The following IL2RA variants were observed in gnomAD, a reference collection of about 807,000 sequenced individuals.
The protein encoded by IL2RA is interleukin 2 receptor subunit alpha.
Under a neutral mutation model 37.8 loss-of-function variants are expected in IL2RA, and 24 were observed. The observed-to-expected ratio is 0.63, with a 90% CI of 0.46 to 0.89. The LOEUF is 0.89. Ranked by LOEUF, IL2RA falls within the 40% of genes least tolerant of loss-of-function variation. The probability of loss-of-function intolerance (pLI) is 0.00; values close to 1 mark genes in which losing one functional copy is unlikely to be tolerated. For missense variants in IL2RA, 319 were observed against 348.6 expected (o/e 0.92, Z 0.68); for synonymous variants, 125 against 114.6 (o/e 1.09, Z -0.58).
At chr10:6,045,144 A>G (rs1839830956) in intron 1 of IL2RA, among the ~76,000 whole-genome samples, 1 of 152,226 alleles carries the variant, frequency 6.6e-6, no homozygotes, top group African/African-American at 2.4e-5. Context: ...ACATCTCTGC[A>G]GTAATTAGCA....
rs12722670 is a variant in IL2RA at position 6,033,292 on chromosome 10, A to G, written c.65-7267T>C. ...GGCAACAGAGTGAGACTCTGTCTCA[A>G]AAACAAACAAAGAAACAAACAAACA... On this transcript the variant is annotated intron_variant, in intron 1 of 7. Transcript: ENST00000379959. The surrounding 1 kb of genome is among the most constrained non-coding windows in gnomAD (Gnocchi z 4.3). Among the ~76,000 whole-genome samples the G allele has an allele frequency of 0.017, 2,620 of 152,026 alleles. 68 individuals carry two copies. The highest frequency in any genetic ancestry group is 0.06 in the African/African-American group (2,490 of 41,414).
chr10:6,026,419 A>T (rs991876705), intron 1 of IL2RA, among the ~76,000 whole-genome samples: 1 of 152,254 alleles, frequency 6.6e-6, no homozygotes, highest in Non-Finnish European at 1.5e-5. Flanking sequence ...ACTTTTAAGG[A>T]TATACGAGTT....
chr10:6,027,385 G>A (rs1050527765), intron 1 of IL2RA, among the ~76,000 whole-genome samples: 1 of 151,630 alleles, frequency 6.6e-6, no homozygotes, highest in Non-Finnish European at 1.5e-5. Flanking sequence ...AACCAACAAG[G>A]GACTAAGCAA....
Position 6,014,060 on chromosome 10 carries a change from C to T in IL2RA, c.795-1164G>A, listed in dbSNP as rs1400298954. Among the ~76,000 whole-genome samples, 5 of 152,038 alleles carry T rather than the reference C, an allele frequency of 3.3e-5. No homozygotes were observed. Among genetic ancestry groups the T allele is most frequent in the Non-Finnish European group, 7.4e-5 (5 of 68,008 alleles). On this transcript the variant is annotated intron_variant, in intron 7 of 7. Transcript: ENST00000379959. The surrounding 1 kb of genome is among the most constrained non-coding windows in gnomAD (Gnocchi z 4.4). ...GTTGCCCAGGCTGGTCTCAAGCGAG[C>T]CTCTCACCTTAGTCTCCCGAAGTGC... is the stretch of plus-strand genomic sequence containing the variant.
chr10:6,033,323 A>G lies in IL2RA; in HGVS notation c.65-7298T>C, dbSNP rs1050128863. Among the ~76,000 whole-genome samples the G allele has an allele frequency of 6.9e-5, 6 of 86,818 alleles. No homozygotes were observed. The highest frequency in any genetic ancestry group is 3.1e-4 in the African/African-American group (6 of 19,070). The allele number at this position is 86,818 out of a possible 152,430, so 57.0% of individuals were successfully genotyped here. On this transcript the variant is annotated intron_variant, in intron 1 of 7. Transcript: ENST00000379959. This position sits in a 1 kb window ranked among gnomAD's most constrained non-coding sequence, Gnocchi z 4.3. ...AACAAAGAAACAAACAAACAACAACAAAAAAAAAACAAAAAAAGAAAGTAT... is the reference window on the plus strand; with the variant it reads ...AACAAAGAAACAAACAAACAACAACGAAAAAAAAACAAAAAAAGAAAGTAT...
chr10:6,024,402 T>C (rs1324480531), intron 2 of IL2RA, 48 bp from the exon 3 acceptor site: 16 of 1,311,292 alleles, frequency 1.2e-5, no homozygotes, highest in Non-Finnish European at 1.7e-5. Flanking sequence ...AAATGCTTCA[T>C]AGAAAACACT....
rs2025347 is a variant in IL2RA, at chr10:6,028,868, G to A, written c.65-2843C>T. On this transcript the variant is annotated intron_variant, in intron 1 of 7. Coordinates refer to ENST00000379959, the MANE Select transcript of IL2RA (RefSeq NM_000417.3). The surrounding 1 kb of genome is among the most constrained non-coding windows in gnomAD (Gnocchi z 4.1). Reference sequence around the variant, plus strand: ...CAAAAGATCAGCCGAGTGTGGCAGCGCATGTCTGTAGTCCCAGGTACTTGG... The same window carrying A: ...CAAAAGATCAGCCGAGTGTGGCAGCACATGTCTGTAGTCCCAGGTACTTGG... 0.35 allele frequency among the ~76,000 whole-genome samples: 53,222 copies of A among 151,564 alleles called. 10,121 individuals are homozygous for A. The highest frequency in any genetic ancestry group is 0.58 in the East Asian group (2,975 of 5,124).
intron 1 of IL2RA, among the ~76,000 whole-genome samples, chr10:6,031,498 A>ATG (rs1839588774): frequency 2.4e-4 from 18 of 73,554 alleles, no homozygotes; most frequent in African/African-American, 8.4e-4. Flanking sequence ...ATATATGTAT[A>ATG]TATATATATA....
rs553316942 is a variant in IL2RA, at chr10:6,020,007, G to T, written c.584-66C>A. 1.4e-5 allele frequency: 19 copies of T among 1,396,058 alleles called. No homozygotes were observed. In the South Asian group the frequency reaches 2.0e-4, roughly 14 times the overall value. 86.5% of individuals were successfully genotyped at this position (1,396,058 alleles called of 1,614,324 possible). On this transcript the variant is annotated intron_variant, in intron 4 of 7. Coordinates refer to ENST00000379959, the MANE Select transcript of IL2RA (RefSeq NM_000417.3). This position sits in a 1 kb window ranked among gnomAD's most constrained non-coding sequence, Gnocchi z 5.6. ...GGAGTCAGGGCCTCACTCCCACCCCGCCTGCCCCAGGCAGCCGGCCCCAGA... is the reference window on the plus strand; with the variant it reads ...GGAGTCAGGGCCTCACTCCCACCCCTCCTGCCCCAGGCAGCCGGCCCCAGA...
rs878902493 is a variant in IL2RA, at chr10:6,017,934, G to A, written c.794+119C>T. 73 of 787,284 alleles carry A rather than the reference G, an allele frequency of 9.3e-5. 1 individual carries two copies. The South Asian group carries it at 1.1e-3, about 11-fold the overall frequency. 48.8% of individuals were successfully genotyped at this position (787,284 alleles called of 1,614,324 possible). On this transcript the variant is annotated intron_variant, in intron 7 of 7. Transcript: ENST00000379959. ...GAGGCATGGATTGGCCTCTCCCTTT[G>A]CCACTCCCTGAACTGCAGGTGATTA...
rs1208765076 is a variant in IL2RA at position 6,015,794 on chromosome 10, G to A, written c.794+2259C>T. Among the ~76,000 whole-genome samples the A allele has an allele frequency of 6.6e-6, 1 of 152,176 alleles. No homozygotes were observed. The highest frequency in any genetic ancestry group is 1.5e-5 in the Non-Finnish European group (1 of 68,020). ...GGGTGTAGGGTTGTCAAACCTGGAT[G>A]CATATGTATTAGATACATCTGAGGG... On this transcript the variant is annotated intron_variant, in intron 7 of 7. Coordinates refer to ENST00000379959, the MANE Select transcript of IL2RA (RefSeq NM_000417.3). This position sits in a 1 kb window ranked among gnomAD's most constrained non-coding sequence, Gnocchi z 4.9.
chr10:6,061,117 G>T (rs181497353), intron 1 of IL2RA, among the ~76,000 whole-genome samples: 1 of 152,124 alleles, frequency 6.6e-6, no homozygotes, highest in Admixed American at 6.5e-5. Flanking sequence ...GGCCAGGCAC[G>T]GTGGTTCATG....
intron 1 of IL2RA, among the ~76,000 whole-genome samples, chr10:6,040,076 GA>G (rs966287878): frequency 6.6e-6 from 1 of 152,360 alleles, no homozygotes; most frequent in Admixed American, 6.5e-5. Context: ...CATGAATCGT[GA>G]GGGTATGAAG....
At position 6,018,935 on chromosome 10, in the gene IL2RA, C is replaced by T. The variant is rs1285652779; in HGVS notation, c.727+493G>A. On this transcript the variant is annotated intron_variant, in intron 6 of 7. Transcript: ENST00000379959. This position sits in a 1 kb window ranked among gnomAD's most constrained non-coding sequence, Gnocchi z 5.1. ...ACCAATCTATCTACCAACCAACTCA[C>T]TAACCAACCAACCAGCTAACCAACC... 1.3e-5 allele frequency among the ~76,000 whole-genome samples: 2 copies of T among 152,112 alleles called. No individual in the cohort carries two copies. The highest frequency in any genetic ancestry group is 2.9e-5 in the Non-Finnish European group (2 of 68,008).
In IL2RA at chr10:6,015,922, G is replaced by A. The variant is rs965579943; in HGVS notation, c.794+2131C>T. Among the ~76,000 whole-genome samples the A allele has an allele frequency of 1.3e-5, 2 of 152,184 alleles. No individual in the cohort carries two copies. The highest frequency in any genetic ancestry group is 4.8e-5 in the African/African-American group (2 of 41,430). On this transcript the variant is annotated intron_variant, in intron 7 of 7. Transcript: ENST00000379959. This position sits in a 1 kb window ranked among gnomAD's most constrained non-coding sequence, Gnocchi z 4.9. ...CCATAGAGACGGAACATAGAGTGGT[G>A]GTTTCCCGGGGCTGGGGAGAATGGG...
chr10:6,025,069 A>T lies in IL2RA; in HGVS notation c.257-715T>A. Among the ~76,000 whole-genome samples, 1 of 151,930 alleles carries T rather than the reference A, an allele frequency of 6.6e-6. No individual in the cohort carries two copies. Among genetic ancestry groups the T allele is most frequent in the Non-Finnish European group, 1.5e-5 (1 of 67,982 alleles). ...ACAACATGGGGAAACCCCATCACTA[A>T]CAAAAAATACAAAATATTAGCCAGG... On this transcript the variant is annotated intron_variant, in intron 2 of 7. Coordinates refer to ENST00000379959, the MANE Select transcript of IL2RA (RefSeq NM_000417.3). The surrounding 1 kb of genome is among the most constrained non-coding windows in gnomAD (Gnocchi z 4.4).
rs1304828658 is a variant in IL2RA at position 6,047,447 on chromosome 10, A to G, written c.64+14641T>C. ...CTGCTCCAAAGCTCTTCCTGCCTGT[A>G]GCATGCACCCTGTGCCTCCGGGCCA... On this transcript the variant is annotated intron_variant, in intron 1 of 7. Coordinates refer to ENST00000379959, the MANE Select transcript of IL2RA (RefSeq NM_000417.3). The surrounding 1 kb of genome is among the most constrained non-coding windows in gnomAD (Gnocchi z 5.0). 6.6e-6 allele frequency among the ~76,000 whole-genome samples: 1 copy of G among 152,208 alleles called. No individual in the cohort carries two copies. The highest frequency in any genetic ancestry group is 2.4e-5 in the African/African-American group (1 of 41,450).
chr10:6,061,955 G>T, intron 1 of IL2RA, 133 bp downstream of exon 1: 1 of 739,514 alleles, frequency 1.4e-6, no homozygotes, highest in Non-Finnish European at 2.4e-6. Context: ...GTGGGTCACA[G>T]GCAAGAGGTG....
rs909526835 is a variant in IL2RA, at chr10:6,036,645, C to T, written c.65-10620G>A. Among the ~76,000 whole-genome samples the T allele has an allele frequency of 3.3e-5, 5 of 152,228 alleles. No homozygotes were observed. The highest frequency in any genetic ancestry group is 3.3e-4 in the Admixed American group (5 of 15,288). On this transcript the variant is annotated intron_variant, in intron 1 of 7. Transcript: ENST00000379959. The surrounding 1 kb of genome is among the most constrained non-coding windows in gnomAD (Gnocchi z 6.1). ...TGCCACATACCCGCAGCTGCACTCC[C>T]ATAATCTGAAAGCTGTCCCTTTAAT...
Sources: gnomAD v4.1 joint callset for allele counts (sites outside exome capture counted in the v4.1 genomes callset) on GRCh38, gnomAD v4.1.1 for gene constraint, Gnocchi (gnomAD v3.1) non-coding constraint, MANE v1.5 for transcripts, NCBI Gene and HGNC (gene_info 2026-07-23, HGNC 2026-07-21) for gene names.